The following DPP8 variants were observed in gnomAD, a reference collection of about 807,000 sequenced individuals.
DPP8 encodes the protein DPP VIII.
DPP8 carries 31 observed loss-of-function variants against 107.5 expected under a neutral mutation model. The ratio of observed to expected loss-of-function variants is 0.29; its 90% CI spans 0.22 to 0.39. The LOEUF is 0.39. Among genes scored for constraint, DPP8 ranks in the 10% least tolerant of loss-of-function variants. The probability of loss-of-function intolerance (pLI) is 1.00; values close to 1 mark genes in which losing one functional copy is unlikely to be tolerated. For missense variants in DPP8, 842 were observed against 1,076.1 expected, an observed-to-expected ratio of 0.78 and a Z score of 3.04; for synonymous variants, 381 against 356.6, an observed-to-expected ratio of 1.07 and a Z score of -0.77.
Position 65,490,286 on chromosome 15 carries a change from C to T in DPP8, c.729G>A (p.Met243Ile), listed in dbSNP as rs367666845. 13 of 1,610,420 alleles carry T rather than the reference C, an allele frequency of 8.1e-6. No individual in the cohort carries two copies. The highest frequency in any genetic ancestry group is 1.7e-5 in the Admixed American group (1 of 59,984). ...CTCCAGCTGATCTGGCATCTTCTTC[C>T]ATGTTGGCTAGCTCTAGACAAATAT... ...LTYVHNELAN[M>I]EEDARSAGVA... Residue 243 changes from methionine (M) to isoleucine (I), a missense_variant, in exon 6 of 20, where the codon ATG becomes ATA. Physicochemically the swap from Met to Ile is conservative, Grantham distance 10. Transcript: ENST00000300141.
intron 5 of DPP8, among the ~76,000 whole-genome samples, chr15:65,492,066 G>A (rs1457093362): frequency 6.6e-6 from 1 of 151,548 alleles, no homozygotes; most frequent in East Asian, 2.0e-4. Flanking sequence ...TGTGGGCCAG[G>A]CGCAGTGGCT....
At position 65,454,422 on chromosome 15, in the gene DPP8, A is replaced by C; in HGVS notation, c.2119-7T>G. 1 of 1,583,954 alleles carries C rather than the reference A, an allele frequency of 6.3e-7. No individual in the cohort carries two copies. The highest frequency in any genetic ancestry group is 1.2e-5 in the South Asian group (1 of 84,342). ...CGTCAATTTCTATTTGACCCTGTCA[A>C]AAAAGGGAGAACATTTCACTGATTC... is the stretch of plus-strand genomic sequence containing the variant. On this transcript the variant is annotated splice_region_variant and splice_polypyrimidine_tract_variant and intron_variant, in intron 16 of 19. Coordinates refer to ENST00000300141, the MANE Select transcript of DPP8 (RefSeq NM_130434.5).
intron 14 of DPP8, among the ~76,000 whole-genome samples, chr15:65,466,026 AAG>A (rs780440899): frequency 4.6e-5 from 7 of 152,204 alleles, no homozygotes; most frequent in Non-Finnish European, 1.0e-4. Flanking sequence ...TCCTTGCTCA[AAG>A]AGTCTTACTA....
chr15:65,452,139 G>GA (rs755461475), intron 17 of DPP8, 37 bp from the exon 18 acceptor site: 2 of 1,578,894 alleles, frequency 1.3e-6, no homozygotes, highest in East Asian at 2.3e-5. Flanking sequence ...GTGTGGTCTG[G>GA]AAAAAGAGAG....
chr15:65,458,244 A>G lies in DPP8; in HGVS notation c.1972-1873T>C, dbSNP rs76221603. Among the ~76,000 whole-genome samples the G allele has an allele frequency of 2.4e-4, 36 of 151,908 alleles. No homozygotes were observed. In the East Asian group the frequency reaches 4.3e-3, roughly 18 times the overall value. The stretch of plus-strand genomic sequence containing the variant: ...CAGTGTCTGGCACATTCTAGGAAAC[A>G]TAAGTATTTGTTACACAAACTTTTT... On this transcript the variant is annotated intron_variant, in intron 15 of 19. Transcript: ENST00000300141.
chr15:65,504,101 G>A (rs942753928), intron 3 of DPP8, among the ~76,000 whole-genome samples: 6 of 151,900 alleles, frequency 3.9e-5, no homozygotes, highest in African/African-American at 7.2e-5. Context: ...AGTGGCTCAC[G>A]CCTGTAATCC....
intron 5 of DPP8, among the ~76,000 whole-genome samples, chr15:65,494,876 T>A (rs2068425329): frequency 6.6e-6 from 1 of 152,128 alleles, no homozygotes; most frequent in African/African-American, 2.4e-5. Context: ...ATAACTTGGA[T>A]AACTGCAACA....
At position 65,490,259 on chromosome 15, in the gene DPP8, G is replaced by A. The variant is rs149636718; in HGVS notation, c.756C>T (p.Val252=). The change falls in exon 6 of 20, where the codon GTC becomes GTT. Residue 252 remains valine (V), a synonymous_variant. Transcript: ENST00000300141. ...ATTCTTCTTGGAGAACAAAGGTAGC[G>A]ACTCCAGCTGATCTGGCATCTTCTT... ...NMEEDARSAG[V]ATFVLQEEFD... 72 of 1,613,612 alleles carry A rather than the reference G, an allele frequency of 4.5e-5. No homozygotes were observed. Among genetic ancestry groups the A allele is most frequent in the Middle Eastern group, 3.3e-4 (2 of 6,060 alleles).
intron 17 of DPP8, among the ~76,000 whole-genome samples, chr15:65,453,432 T>TAC (rs397973029): frequency 0.072 from 10,905 of 151,174 alleles, 381 homozygotes; most frequent in African/African-American, 0.086. Flanking sequence ...AAGAAAAATA[T>TAC]ACACACACAC....
intron 4 of DPP8, among the ~76,000 whole-genome samples, chr15:65,500,189 T>A (rs2069064899): frequency 6.6e-6 from 1 of 152,024 alleles, no homozygotes; most frequent in South Asian, 2.1e-4. Flanking sequence ...GAGGCCGAGA[T>A]GGGCAGATAA....
chr15:65,502,876 AC>A (rs146057225), intron 3 of DPP8: 30,729 of 152,024 alleles, frequency 0.2, 3,464 homozygotes, highest in African/African-American at 0.3. Flanking sequence ...AGTAAATTTA[AC>A]CAAAGAAGAG....
intron 3 of DPP8, among the ~76,000 whole-genome samples, chr15:65,503,117 AT>A (rs1024655012): frequency 6.6e-6 from 1 of 151,710 alleles, no homozygotes; most frequent in Non-Finnish European, 1.5e-5. Context: ...TATTATTATT[AT>A]TTTTTTTGAG....
intron 12 of DPP8, among the ~76,000 whole-genome samples, chr15:65,468,760 A>C (rs796554720): frequency 4.6e-5 from 7 of 152,146 alleles, no homozygotes; most frequent in South Asian, 2.1e-4. Flanking sequence ...ATCAGGACTC[A>C]TTCCGTTTTG....
intron 5 of DPP8, among the ~76,000 whole-genome samples, chr15:65,491,887 G>A (rs1326011821): frequency 6.6e-6 from 1 of 152,000 alleles, no homozygotes; most frequent in African/African-American, 2.4e-5. Context: ...TGCCCGCCAC[G>A]ATGCCCGGCT....
intron 3 of DPP8, among the ~76,000 whole-genome samples, chr15:65,505,069 A>C (rs1460218914): frequency 6.6e-6 from 1 of 151,592 alleles, no homozygotes; most frequent in East Asian, 1.9e-4. Flanking sequence ...AAACTGTCTG[A>C]GCAGGGCCGG....
At chr15:65,486,016 C>G (rs2067384558) in intron 7 of DPP8, among the ~76,000 whole-genome samples, 1 of 150,806 alleles carries the variant, frequency 6.6e-6, no homozygotes, top group African/African-American at 2.4e-5. Context: ...ATTGCTTGAA[C>G]TCGGGAGGCA....
At chr15:65,502,002 G>A (rs1247301159) in intron 3 of DPP8, among the ~76,000 whole-genome samples, 1 of 152,136 alleles carries the variant, frequency 6.6e-6, no homozygotes, top group Non-Finnish European at 1.5e-5. Flanking sequence ...TGATTCTCAT[G>A]CCTCAGCCTC....
At chr15:65,508,638 A>AC (rs2070372740) in intron 2 of DPP8, among the ~76,000 whole-genome samples, 1 of 152,182 alleles carries the variant, frequency 6.6e-6, no homozygotes, top group African/African-American at 2.4e-5. Context: ...GGATTACCTG[A>AC]GGTCAGGAGC....
At position 65,446,722 on chromosome 15, in the gene DPP8, C is replaced by G; in HGVS notation, c.*162G>C. The G allele has an allele frequency of 2.1e-6, 1 of 482,658 alleles. No homozygotes were observed. Among genetic ancestry groups the G allele is most frequent in the South Asian group, 5.1e-5 (1 of 19,564 alleles). The allele number at this position is 482,658 out of a possible 1,614,324, so 29.9% of individuals were successfully genotyped here. ...TGGGGTTAAGGTATTAGATTACTAC[C>G]ACAAACCGTAGACCCCTGCATGGCA... On this transcript the variant is annotated 3_prime_UTR_variant, in exon 20 of 20. Coordinates refer to ENST00000300141, the MANE Select transcript of DPP8 (RefSeq NM_130434.5).
Sources: allele counts gnomAD v4.1 joint callset (sites outside exome capture counted in the v4.1 genomes callset), GRCh38; gene constraint gnomAD v4.1.1; transcripts MANE v1.5; gene names NCBI Gene and HGNC (gene_info 2026-07-23, HGNC 2026-07-21).